Variants in CACNG7 observed in about 807,000 individuals in gnomAD.
CACNG7 encodes the protein calcium voltage-gated channel auxiliary subunit gamma 7, also known as voltage-dependent calcium channel gamma-7 subunit.
A neutral mutation model predicts 26.3 loss-of-function variants in CACNG7; 9 were observed. That is an observed-to-expected ratio of 0.34 (90% CI 0.21 to 0.60). The LOEUF (loss-of-function observed/expected upper bound fraction) is 0.60, where lower values mean the gene tolerates loss of function less well. Ranked by LOEUF, CACNG7 falls within the 20% of genes least tolerant of loss-of-function variation. The pLI is 0.81. For missense variants in CACNG7, 297 were observed against 380.4 expected, an observed-to-expected ratio of 0.78 and a Z score of 1.82; for synonymous variants, 170 against 157.0, an observed-to-expected ratio of 1.08 and a Z score of -0.62.
At chr19:53,925,760 C>G (rs2069025722) in intron 4 of CACNG7, among the ~76,000 whole-genome samples, 1 of 152,208 alleles carries the variant, frequency 6.6e-6, no homozygotes. Flanking sequence ...TGGAAATGTA[C>G]AAACTGAGGA....
At chr19:53,920,486 C>T (rs1293793277) in intron 4 of CACNG7, among the ~76,000 whole-genome samples, 4 of 43,792 alleles carry the variant, frequency 9.1e-5, no homozygotes, top group Admixed American at 1.8e-4. Context: ...GGTGGAGTTG[C>T]CCCAGGTCTG....
At chr19:53,917,376 G>C (rs2068905571) in intron 4 of CACNG7, among the ~76,000 whole-genome samples, 2 of 152,048 alleles carry the variant, frequency 1.3e-5, no homozygotes, top group African/African-American at 2.4e-5. Context: ...TGTCCCCTGG[G>C]GCCGGCACTC....
chr19:53,924,266 G>T (rs1240391224), intron 4 of CACNG7, among the ~76,000 whole-genome samples: 9 of 146,696 alleles, frequency 6.1e-5, no homozygotes, highest in African/African-American at 2.1e-4. Flanking sequence ...CCCAGGTCTG[G>T]TCATTGGTGG....
At chr19:53,931,685 T>TAAAAA (rs747430354) in intron 4 of CACNG7, among the ~76,000 whole-genome samples, 14 of 44,722 alleles carry the variant, frequency 3.1e-4, no homozygotes, top group Non-Finnish European at 5.0e-4. Context: ...AGACTCTGTC[T>TAAAAA]AAAAAAAAAA....
chr19:53,910,857 G>C (rs1029736463), intron 1 of CACNG7, among the ~76,000 whole-genome samples: 5 of 152,136 alleles, frequency 3.3e-5, no homozygotes, highest in African/African-American at 1.2e-4. Context: ...AAGAAGATCT[G>C]TGATTGGAAG....
At chr19:53,925,458 T>C (rs973313509) in intron 4 of CACNG7, among the ~76,000 whole-genome samples, 4 of 92,498 alleles carry the variant, frequency 4.3e-5, no homozygotes, top group African/African-American at 2.4e-4. Context: ...TTGCCACAGG[T>C]ATGGCCATTG....
intron 4 of CACNG7, 122 bp from the exon 5 acceptor site, chr19:53,941,348 A>G: frequency 1.8e-6 from 2 of 1,129,726 alleles, no homozygotes; most frequent in Non-Finnish European, 2.4e-6. Context: ...CCAGCATACA[A>G]GGGGCTTCAG....
intron 4 of CACNG7, among the ~76,000 whole-genome samples, chr19:53,923,776 T>C (rs1214627464): frequency 5.0e-5 from 6 of 120,156 alleles, no homozygotes; most frequent in Non-Finnish European, 9.9e-5. Context: ...CCAGGTCTGG[T>C]CATTGGTGCA....
At chr19:53,911,346 G>A (rs2068861073) in intron 1 of CACNG7, among the ~76,000 whole-genome samples, 1 of 152,114 alleles carries the variant, frequency 6.6e-6, no homozygotes, top group Admixed American at 6.6e-5. Flanking sequence ...GATTCCAGGT[G>A]TGAGCCACCT....
At chr19:53,937,735 T>C (rs974416940) in intron 4 of CACNG7, among the ~76,000 whole-genome samples, 8 of 151,754 alleles carry the variant, frequency 5.3e-5, no homozygotes, top group Admixed American at 5.3e-4. Flanking sequence ...GGGTTACGAG[T>C]GTGTGCCATC....
intron 4 of CACNG7, among the ~76,000 whole-genome samples, chr19:53,933,006 A>G (rs2069083427): frequency 6.6e-6 from 1 of 151,814 alleles, no homozygotes; most frequent in Admixed American, 6.6e-5. Context: ...GGGTTTCGCC[A>G]TGTTGGCCAG....
intron 4 of CACNG7, among the ~76,000 whole-genome samples, chr19:53,916,891 G>A (rs888221677): frequency 4.0e-5 from 6 of 150,246 alleles, no homozygotes; most frequent in South Asian, 2.1e-4. Context: ...TCTGCCTCCC[G>A]GGTTCAAGCG....
rs1344271519 is a variant in CACNG7, at chr19:53,921,001, GGT to G, written c.424+5497_424+5498del. 1.1e-3 allele frequency among the ~76,000 whole-genome samples: 92 copies of G among 82,160 alleles called. 7 individuals carry two copies. The highest frequency in any genetic ancestry group is 7.0e-3 in the African/African-American group (88 of 12,520). The allele number at this position is 82,160 out of a possible 152,430, so 53.9% of individuals were successfully genotyped here. ...GTCATTGGTGGAGTTGCCCCAGGCT[GGT>G]CATTGGTGGAGTTGCCCCAGGCTGG... is the stretch of plus-strand genomic sequence containing the variant. On this transcript the variant is annotated intron_variant, in intron 4 of 5. Transcript: ENST00000391767.
At chr19:53,930,281 T>C (rs539067079) in intron 4 of CACNG7, among the ~76,000 whole-genome samples, 22 of 151,868 alleles carry the variant, frequency 1.4e-4, no homozygotes, top group Non-Finnish European at 1.5e-5. Context: ...CCATCTCTGC[T>C]CACTGCAACC....
intron 4 of CACNG7, among the ~76,000 whole-genome samples, chr19:53,923,926 T>G (rs2068993919): frequency 6.6e-5 from 8 of 121,494 alleles, no homozygotes; most frequent in East Asian, 2.9e-4. Flanking sequence ...GGTGGAGTTG[T>G]CCCCAGGTCT....
rs572607393 is a variant in CACNG7, at chr19:53,924,316, C to G, written c.424+8811C>G. ...TGGTCATTGGTGGAGTTGCCCCAGG[C>G]CTGGTCATTGGTGGACTTGCCGCAG... On this transcript the variant is annotated intron_variant, in intron 4 of 5. Coordinates refer to ENST00000391767, the MANE Select transcript of CACNG7 (RefSeq NM_031896.5). Among the ~76,000 whole-genome samples, 372 of 117,064 alleles carry G rather than the reference C, an allele frequency of 3.2e-3. 4 individuals are homozygous for G. Among genetic ancestry groups the G allele is most frequent in the South Asian group, 0.015 (51 of 3,430 alleles). 76.8% of individuals were successfully genotyped at this position (117,064 alleles called of 152,430 possible).
rs1161681858 is a variant in CACNG7, at chr19:53,922,370, AGGCCTGGTCATTGGTGGAG to A, written c.424+6866_424+6884del. On this transcript the variant is annotated intron_variant, in intron 4 of 5. Transcript: ENST00000391767. Reference sequence around the variant, plus strand: ...CCTGGTCATTGGTGGAGTTGTCCCCAGGCCTGGTCATTGGTGGAGTTGTCCCCAGGCCTGGTCATTGGTG... The same window carrying A: ...CCTGGTCATTGGTGGAGTTGTCCCCATTGTCCCCAGGCCTGGTCATTGGTG... Among the ~76,000 whole-genome samples the A allele has an allele frequency of 7.5e-3, 792 of 105,766 alleles. 151 individuals are homozygous for A. Among genetic ancestry groups the A allele is most frequent in the Non-Finnish European group, 0.011 (568 of 53,684 alleles). The allele number at this position is 105,766 out of a possible 152,430, so 69.4% of individuals were successfully genotyped here.
chr19:53,915,359 C>A lies in CACNG7; in HGVS notation c.284-6C>A, dbSNP rs1384933224. ...TCACCCCTGTCTCTCCCCATCCCCT[C>A]CCCAGAGACAGTGCGCACGGCCACC... On this transcript the variant is annotated splice_region_variant and splice_polypyrimidine_tract_variant and intron_variant, in intron 3 of 5. Coordinates refer to ENST00000391767, the MANE Select transcript of CACNG7 (RefSeq NM_031896.5). The A allele has an allele frequency of 3.1e-6, 5 of 1,608,668 alleles. No individual in the cohort carries two copies. The Admixed American group carries it at 6.7e-5, about 21-fold the overall frequency.
Position 53,942,373 on chromosome 19 carries a change from C to T in CACNG7, c.*80C>T, listed in dbSNP as rs562409748. Reference sequence around the variant, plus strand: ...CTCCCTGCAATGCAGCGCCCCCTTCCGTCCTCGGGACTCCTCGCTCCCACC... The same window carrying T: ...CTCCCTGCAATGCAGCGCCCCCTTCTGTCCTCGGGACTCCTCGCTCCCACC... On this transcript the variant is annotated 3_prime_UTR_variant, in exon 6 of 6. Transcript: ENST00000391767. The surrounding 1 kb of genome is among the most constrained non-coding windows in gnomAD (Gnocchi z 5.9). 1 of 1,535,716 alleles carries T rather than the reference C, an allele frequency of 6.5e-7. No individual in the cohort carries two copies. Among genetic ancestry groups the T allele is most frequent in the Non-Finnish European group, 8.8e-7 (1 of 1,142,110 alleles).
Sources: allele counts gnomAD v4.1 joint callset (sites outside exome capture counted in the v4.1 genomes callset), GRCh38; gene constraint gnomAD v4.1.1; non-coding constraint Gnocchi (gnomAD v3.1); transcripts MANE v1.5; gene names NCBI Gene and HGNC (gene_info 2026-07-23, HGNC 2026-07-21).